UNC5D: variants seen among roughly 807,000 people sequenced by gnomAD.
The protein encoded by UNC5D is unc-5 netrin receptor D, also known as netrin receptor UNC5D.
UNC5D carries 39 observed loss-of-function variants against 105.4 expected under a neutral mutation model. That is an observed-to-expected ratio of 0.37 (90% CI 0.29 to 0.48). The LOEUF is 0.48. Among genes scored for constraint, UNC5D ranks in the 20% least tolerant of loss-of-function variants. The probability of loss-of-function intolerance (pLI) is 0.98; values close to 1 mark genes in which losing one functional copy is unlikely to be tolerated. For missense variants in UNC5D, 991 were observed against 1,202.4 expected (o/e 0.82, Z 2.60); for synonymous variants, 452 against 450.4 (o/e 1.00, Z -0.04).
At chr8:35,386,257 A>C (rs6985876) in intron 1 of UNC5D, among the ~76,000 whole-genome samples, 3,576 of 152,242 alleles carry the variant, frequency 0.023, 142 homozygotes, top group African/African-American at 0.082. Flanking sequence ...ATTCGCTCCA[A>C]TTTAAAAATG....
intron 1 of UNC5D, among the ~76,000 whole-genome samples, chr8:35,329,499 G>T (rs1810442211): frequency 6.6e-6 from 1 of 151,784 alleles, no homozygotes; most frequent in African/African-American, 2.4e-5. Flanking sequence ...GTTCTAATGA[G>T]ACCGGAGAAT....
intron 7 of UNC5D, among the ~76,000 whole-genome samples, chr8:35,701,913 T>A (rs1422097930): frequency 6.7e-6 from 1 of 148,416 alleles, no homozygotes; most frequent in Non-Finnish European, 1.5e-5. Context: ...TTATATACAA[T>A]ATATAATATA....
At chr8:35,381,151 T>C (rs190132565) in intron 1 of UNC5D, among the ~76,000 whole-genome samples, 12 of 152,226 alleles carry the variant, frequency 7.9e-5, no homozygotes, top group Non-Finnish European at 1.5e-4. Flanking sequence ...ATTGGTATGA[T>C]AGCCAGCATT....
In UNC5D at chr8:35,595,594, A is replaced by C; in HGVS notation, c.507A>C (p.Glu169Asp). Residue 169 changes from glutamate to aspartate, a missense_variant, in exon 4 of 17, where the codon GAA (glutamate) becomes GAC (aspartate). By Grantham distance (45) the Glu-to-Asp change is conservative. Transcript: ENST00000404895. ...TTGAACAAGACCCACAAGGAAGGGAAGTTCCCATTGAAGGCATGATTGTAC... is the reference window on the plus strand; with the variant it reads ...TTGAACAAGACCCACAAGGAAGGGACGTTCCCATTGAAGGCATGATTGTAC... ...KNFEQDPQGR[E>D]VPIEGMIVLH... The C allele has an allele frequency of 6.2e-7, 1 of 1,614,080 alleles. No homozygotes were observed. Among genetic ancestry groups the C allele is most frequent in the South Asian group, 1.1e-5 (1 of 91,084 alleles).
At chr8:35,329,817 A>C (rs1419680344) in intron 1 of UNC5D, among the ~76,000 whole-genome samples, 4 of 152,034 alleles carry the variant, frequency 2.6e-5, no homozygotes, top group Non-Finnish European at 4.4e-5. Flanking sequence ...TAATTCTATT[A>C]TTATTTGTTG....
intron 1 of UNC5D, among the ~76,000 whole-genome samples, chr8:35,544,867 T>C (rs1251334223): frequency 1.3e-5 from 2 of 151,902 alleles, no homozygotes; most frequent in East Asian, 1.9e-4. Flanking sequence ...CCTCCCAGAG[T>C]GCTGGGATTA....
chr8:35,300,983 A>G (rs987598347), intron 1 of UNC5D, among the ~76,000 whole-genome samples: 2 of 152,222 alleles, frequency 1.3e-5, no homozygotes, highest in African/African-American at 4.8e-5. Context: ...GTTTATGTGT[A>G]TACATCCATG....
intron 1 of UNC5D, among the ~76,000 whole-genome samples, chr8:35,237,535 G>C (rs540226587): frequency 6.6e-6 from 1 of 152,092 alleles, no homozygotes; most frequent in Non-Finnish European, 1.5e-5. Flanking sequence ...AAGCCAGCTC[G>C]AAACAAGAGG....
chr8:35,393,147 T>A, intron 1 of UNC5D, among the ~76,000 whole-genome samples: 1 of 141,856 alleles, frequency 7.0e-6, no homozygotes, highest in African/African-American at 2.6e-5. Context: ...TTTTTTTTTT[T>A]TTTTTGAGAC....
chr8:35,503,730 G>T (rs1334606274), intron 1 of UNC5D, among the ~76,000 whole-genome samples: 1 of 152,164 alleles, frequency 6.6e-6, no homozygotes. Context: ...AAGGGAGTTA[G>T]AATTTTAATT....
chr8:35,605,393 G>A lies in UNC5D; in HGVS notation c.570+9736G>A, dbSNP rs1288375498. Among the ~76,000 whole-genome samples, 9 of 152,324 alleles carry A rather than the reference G, an allele frequency of 5.9e-5. No homozygotes were observed. The South Asian group carries it at 1.4e-3, about 25-fold the overall frequency. On this transcript the variant is annotated intron_variant, in intron 4 of 16. Transcript: ENST00000404895. ...GAACCGCAAATGCTGCTGCCTGATC[G>A]TTCCTCTGGAAGTTTTGTCTCAGAG...
At chr8:35,567,163 A>T (rs555450591) in intron 2 of UNC5D, among the ~76,000 whole-genome samples, 1 of 150,722 alleles carries the variant, frequency 6.6e-6, no homozygotes, top group Non-Finnish European at 1.5e-5. Flanking sequence ...TTCTATAAAA[A>T]CCCCCCTTTC....
intron 16 of UNC5D, among the ~76,000 whole-genome samples, chr8:35,785,947 G>A (rs1462570102): frequency 1.3e-5 from 2 of 152,012 alleles, no homozygotes; most frequent in Admixed American, 6.6e-5. Flanking sequence ...CCCCTTATAA[G>A]GTTATACCCT....
At chr8:35,337,618 C>T (rs959086623) in intron 1 of UNC5D, among the ~76,000 whole-genome samples, 10 of 152,170 alleles carry the variant, frequency 6.6e-5, no homozygotes, top group African/African-American at 2.4e-4. Flanking sequence ...GTATGAAGCA[C>T]ACATTGAATT....
intron 1 of UNC5D, among the ~76,000 whole-genome samples, chr8:35,294,912 G>A (rs1033191076): frequency 6.6e-6 from 1 of 152,024 alleles, no homozygotes; most frequent in African/African-American, 2.4e-5. Flanking sequence ...GAAGTTTATG[G>A]CATTGTACTA....
At chr8:35,334,268 A>C (rs115891211) in intron 1 of UNC5D, among the ~76,000 whole-genome samples, 58 of 152,338 alleles carry the variant, frequency 3.8e-4, no homozygotes, top group African/African-American at 1.3e-3. Flanking sequence ...CAAAATGATC[A>C]AAACTAAAAT....
In UNC5D at chr8:35,474,196, T is replaced by C. The variant is rs116848074; in HGVS notation, c.104-75096T>C. ...ATCCATGCAATGTGTTCATTAGAGA[T>C]ATTACCAATTGTAATTTTCCCCTTT... On this transcript the variant is annotated intron_variant, in intron 1 of 16. Coordinates refer to ENST00000404895, the MANE Select transcript of UNC5D (RefSeq NM_080872.4). Among the ~76,000 whole-genome samples the C allele has an allele frequency of 8.9e-3, 1,361 of 152,366 alleles. 12 individuals carry two copies. The highest frequency in any genetic ancestry group is 0.014 in the Non-Finnish European group (942 of 68,030).
intron 1 of UNC5D, among the ~76,000 whole-genome samples, chr8:35,386,006 C>T (rs1803371188): frequency 6.6e-6 from 1 of 152,158 alleles, no homozygotes; most frequent in Non-Finnish European, 1.5e-5. Context: ...CCTTCTTAAT[C>T]TACATCTCAG....
intron 9 of UNC5D, 105 bp downstream of exon 9, chr8:35,722,500 C>T (rs1828637045): frequency 1.4e-6 from 2 of 1,383,612 alleles, no homozygotes; most frequent in East Asian, 2.5e-5. Flanking sequence ...GCTCTTGGCA[C>T]TGGGAGCCGC....
Sources: gnomAD v4.1 joint callset for allele counts (sites outside exome capture counted in the v4.1 genomes callset) on GRCh38, gnomAD v4.1.1 for gene constraint, MANE v1.5 for transcripts, NCBI Gene and HGNC (gene_info 2026-07-23, HGNC 2026-07-21) for gene names.